The following OPRM1 variants were observed in gnomAD, a reference collection of about 807,000 sequenced individuals.
OPRM1 encodes mu-type opioid receptor.
A neutral mutation model predicts 31.8 loss-of-function variants in OPRM1; 27 were observed. That is an observed-to-expected ratio of 0.85 (90% CI 0.63 to 1.17). OPRM1 has a LOEUF of 1.17. Ranked by LOEUF, OPRM1 falls within the 50% of genes most tolerant of loss-of-function variation. The pLI is 0.00. For missense variants in OPRM1, 536 were observed against 511.1 expected (o/e 1.05, Z -0.47); for synonymous variants, 196 against 189.9 (o/e 1.03, Z -0.26).
intron 1 of OPRM1, among the ~76,000 whole-genome samples, chr6:154,069,182 T>G (rs1258147606): frequency 6.6e-6 from 1 of 152,238 alleles, no homozygotes; most frequent in Non-Finnish European, 1.5e-5. Flanking sequence ...ATTTGTCTCC[T>G]GCAGTGTGCA....
intron 3 of OPRM1, chr6:154,154,590 G>A (rs1315495492): frequency 6.6e-6 from 1 of 152,142 alleles, no homozygotes; most frequent in African/African-American, 2.4e-5. Context: ...CCTTGTTGTA[G>A]ACGATCAAAA....
At position 154,138,813 on chromosome 6, in the gene OPRM1, C is replaced by A. The variant is rs1366914176; in HGVS notation, c.1164+47341C>A. Among the ~76,000 whole-genome samples, 4 of 152,260 alleles carry A rather than the reference C, an allele frequency of 2.6e-5. No individual in the cohort carries two copies. The East Asian group carries it at 7.7e-4, about 29-fold the overall frequency. On this transcript the variant is annotated intron_variant, in intron 3 of 3. Coordinates refer to the OPRM1 transcript ENST00000337049. ...AGATTAGAAATTATAGTTTAGGAGTCACGTAGCCGGAGGCTACAAGATTCT... is the reference window on the plus strand; with the variant it reads ...AGATTAGAAATTATAGTTTAGGAGTAACGTAGCCGGAGGCTACAAGATTCT...
At chr6:154,141,657 C>T (rs1037981696) in intron 3 of OPRM1, among the ~76,000 whole-genome samples, 1 of 152,186 alleles carries the variant, frequency 6.6e-6, no homozygotes, top group African/African-American at 2.4e-5. Context: ...GTAAGATGAA[C>T]ATTGGTTCAG....
At chr6:154,179,053 A>G (rs1000727760) in intron 3 of OPRM1, among the ~76,000 whole-genome samples, 3 of 152,358 alleles carry the variant, frequency 2.0e-5, no homozygotes, top group Middle Eastern at 3.4e-3. Context: ...CGACCCAGTC[A>G]GGGACATTAC....
At chr6:154,101,322 A>G (rs1427187881) in intron 3 of OPRM1, among the ~76,000 whole-genome samples, 1 of 152,152 alleles carries the variant, frequency 6.6e-6, no homozygotes, top group Non-Finnish European at 1.5e-5. Context: ...CTGAAGTATC[A>G]TTAAATATGG....
chr6:154,017,957 A>T (rs1778103739), intron 1 of OPRM1, among the ~76,000 whole-genome samples: 1 of 152,208 alleles, frequency 6.6e-6, no homozygotes. Flanking sequence ...TCATGATCAC[A>T]CACCAAGTGA....
chr6:154,021,191 G>T (rs1159383594), intron 1 of OPRM1, among the ~76,000 whole-genome samples: 1 of 152,148 alleles, frequency 6.6e-6, no homozygotes, highest in Non-Finnish European at 1.5e-5. Context: ...ACATCCCATT[G>T]TTCAGCACCA....
intron 1 of OPRM1, among the ~76,000 whole-genome samples, chr6:154,046,365 A>G (rs1047879779): frequency 2.6e-5 from 4 of 152,112 alleles, no homozygotes; most frequent in African/African-American, 7.2e-5. Flanking sequence ...TGAGCTCAGG[A>G]TAATAGGAGC....
chr6:154,245,862 G>A (rs1307756661), intron 3 of OPRM1, among the ~76,000 whole-genome samples: 2 of 152,210 alleles, frequency 1.3e-5, no homozygotes, highest in Non-Finnish European at 2.9e-5. Flanking sequence ...GGTCACGAAA[G>A]ATCAGCACAC....
chr6:154,215,041 T>G (rs1389757886), intron 3 of OPRM1, among the ~76,000 whole-genome samples: 1 of 152,188 alleles, frequency 6.6e-6, no homozygotes, highest in African/African-American at 2.4e-5. Flanking sequence ...CTATATAATT[T>G]TCTACTTATT....
downstream of OPRM1, among the ~76,000 whole-genome samples, chr6:154,132,783 C>A (rs1489802856): frequency 6.6e-6 from 1 of 151,980 alleles, no homozygotes. Flanking sequence ...TTGTTAGGTA[C>A]AATTTTTTGA....
intron 1 of OPRM1, among the ~76,000 whole-genome samples, chr6:154,032,891 G>A (rs144284387): frequency 2.4e-4 from 36 of 152,324 alleles, no homozygotes; most frequent in African/African-American, 8.2e-4. Flanking sequence ...TGTATTTCCA[G>A]TGCTCATGAG....
chr6:154,201,440 C>T (rs1777060996), intron 3 of OPRM1, among the ~76,000 whole-genome samples: 1 of 152,190 alleles, frequency 6.6e-6, no homozygotes, highest in Admixed American at 6.6e-5. Context: ...TCTTGTTCCT[C>T]CATTTTTAAC....
In OPRM1 at chr6:154,159,779, G is replaced by A. The variant is rs370836223; in HGVS notation, c.1164+68307G>A. On this transcript the variant is annotated intron_variant, in intron 3 of 3. Transcript: ENST00000337049. ...AAAATGTAAGCTTTTGCAACATCTT[G>A]AAGAGTTGCTTGTGATAAAATATAA... The A allele has an allele frequency of 7.8e-5, 110 of 1,418,534 alleles. 1 individual carries two copies. In the South Asian group the frequency reaches 1.1e-3, roughly 14 times the overall value. 87.9% of individuals were successfully genotyped at this position (1,418,534 alleles called of 1,614,324 possible).
At chr6:154,010,557 C>T (rs1282865787) in exon 1 of OPRM1, 1 of 1,545,694 alleles carries the variant, frequency 6.5e-7, no homozygotes, top group East Asian at 2.5e-5. Flanking sequence ...GGAAGCCCTC[C>T]AGGTTCATTT....
chr6:154,073,111 A>G (rs1480380329), intron 1 of OPRM1, among the ~76,000 whole-genome samples: 1 of 152,220 alleles, frequency 6.6e-6, no homozygotes, highest in Non-Finnish European at 1.5e-5. Context: ...ATGAAACATG[A>G]ACTCAGAAGA....
intron 1 of OPRM1, among the ~76,000 whole-genome samples, chr6:154,019,728 CTTTCTTTTCT>C (rs575009900): frequency 6.9e-6 from 1 of 144,334 alleles, no homozygotes; most frequent in African/African-American, 2.7e-5. Context: ...AGCTTAGTGG[CTTTCTTTTCT>C]TTTCTTTTCT....
chr6:154,092,872 A>G (rs1461750442), intron 3 of OPRM1, among the ~76,000 whole-genome samples: 1 of 152,222 alleles, frequency 6.6e-6, no homozygotes, highest in East Asian at 1.9e-4. Context: ...AAATTAACTT[A>G]TTATGTCTCA....
rs1562526757 is a variant in OPRM1 at position 154,180,416 on chromosome 6, T to TA, written c.1165-66277_1165-66276insA. On this transcript the variant is annotated intron_variant, in intron 3 of 3. Transcript: ENST00000337049. The stretch of plus-strand genomic sequence containing the variant: ...TATATATATATATATATATATATAT[T>TA]TTTTTTTTAAACATGATCCTTCTTG... Among the ~76,000 whole-genome samples the TA allele has an allele frequency of 6.9e-3, 350 of 51,034 alleles. 1 individual carries two copies. The highest frequency in any genetic ancestry group is 0.016 in the East Asian group (11 of 692). The allele number at this position is 51,034 out of a possible 152,430, so 33.5% of individuals were successfully genotyped here.
Sources: gnomAD v4.1 joint callset for allele counts (sites outside exome capture counted in the v4.1 genomes callset) on GRCh38, gnomAD v4.1.1 for gene constraint, MANE v1.5 for transcripts, NCBI Gene and HGNC (gene_info 2026-07-23, HGNC 2026-07-21) for gene names.